Variants in BCORL1 observed in about 807,000 individuals in gnomAD.
BCORL1 encodes the protein BCL-6 corepressor-like protein 1.
Under a neutral mutation model 87.6 loss-of-function variants are expected in BCORL1, and 7 were observed. The observed-to-expected ratio is 0.08, with a 90% confidence interval of 0.05 to 0.15. The LOEUF is 0.15. Among genes scored for constraint, BCORL1 ranks in the 10% least tolerant of loss-of-function variants. The pLI, the probability that BCORL1 is intolerant of heterozygous loss-of-function variation, is 1.00. For missense variants in BCORL1, 1,215 were observed against 1,499.7 expected, an observed-to-expected ratio of 0.81 and a Z score of 3.13; for synonymous variants, 591 against 634.4, an observed-to-expected ratio of 0.93 and a Z score of 1.03.
Position 130,025,165 on chromosome X carries a change from G to T in BCORL1, c.3864G>T (p.Leu1288=). The T allele has an allele frequency of 8.2e-7, 1 of 1,212,166 alleles. No homozygotes were observed. Residue 1288 remains leucine, a synonymous_variant, in exon 7 of 14, where the codon CTG becomes CTT. Transcript: ENST00000540052. ...ACCATGCCCAGGACAAGTCTCTGCT[G>T]AGCCAGGGCCGAAGGCACCTGTGGC... The part of the protein sequence containing the change: ...RSHHAQDKSL[L]SQGRRHLWRA...
intron 8 of BCORL1, among the ~76,000 whole-genome samples, chrX:130,032,221 C>G (rs911110655): frequency 1.8e-5 from 2 of 111,939 alleles, no homozygotes; most frequent in African/African-American, 6.5e-5. Flanking sequence ...GGCTTGGGGT[C>G]TCTCGTGAGG....
intron 7 of BCORL1, among the ~76,000 whole-genome samples, chrX:130,027,629 G>A (rs1603137676): frequency 1.8e-5 from 2 of 112,687 alleles, no homozygotes; most frequent in East Asian, 2.8e-4. Context: ...CACCTCAAGA[G>A]CTTGTGCTTA....
intron 3 of BCORL1, 138 bp from the exon 4 acceptor site, chrX:130,012,812 G>T (rs903413207): frequency 9.8e-7 from 1 of 1,021,840 alleles, no homozygotes; most frequent in African/African-American, 1.9e-5. Context: ...GACACAAATT[G>T]GCTGGCTGCC....
intron 11 of BCORL1, among the ~76,000 whole-genome samples, chrX:130,046,572 A>C (rs764888377): frequency 1.4e-3 from 149 of 106,574 alleles, no homozygotes; most frequent in Non-Finnish European, 2.2e-3. Context: ...TTTGAGACGG[A>C]GTCTCGCTCT....
chrX:130,020,691 G>C (rs763338695), intron 4 of BCORL1, among the ~76,000 whole-genome samples: 22 of 111,954 alleles, frequency 2.0e-4, no homozygotes, highest in Non-Finnish European at 3.9e-4. Context: ...GCCTGACTTT[G>C]CACCTTTTAA....
chrX:130,041,996 G>T (rs1931363290), intron 11 of BCORL1, among the ~76,000 whole-genome samples: 2 of 111,765 alleles, frequency 1.8e-5, no homozygotes, highest in Non-Finnish European at 1.9e-5. Context: ...ACGTATATGT[G>T]TTTATATATA....
intron 7 of BCORL1, among the ~76,000 whole-genome samples, chrX:130,028,195 C>A (rs1930360778): frequency 9.0e-6 from 1 of 111,575 alleles, no homozygotes; most frequent in Non-Finnish European, 1.9e-5. Flanking sequence ...AGCCTTCTAC[C>A]TTTTCCTCCC....
At chrX:129,989,937 C>T (rs1217870569) in intron 1 of BCORL1, among the ~76,000 whole-genome samples, 2 of 110,174 alleles carry the variant, frequency 1.8e-5, no homozygotes, top group Non-Finnish European at 3.8e-5. Flanking sequence ...AAGCGCCCAG[C>T]ACCACGTCCA....
intron 1 of BCORL1, among the ~76,000 whole-genome samples, chrX:129,984,685 G>A (rs919415954): frequency 2.7e-5 from 3 of 111,045 alleles, no homozygotes; most frequent in Non-Finnish European, 5.7e-5. Flanking sequence ...ATGGAGGTGC[G>A]GGAGATTGTT....
chrX:130,034,333 C>A, intron 8 of BCORL1, 122 bp from the exon 9 acceptor site: 1 of 486,490 alleles, frequency 2.1e-6, no homozygotes. Context: ...GTAGTGTAAG[C>A]AAAGTACAGC....
intron 11 of BCORL1, among the ~76,000 whole-genome samples, chrX:130,040,205 T>C (rs1484803224): frequency 8.9e-6 from 1 of 112,041 alleles, no homozygotes; most frequent in African/African-American, 3.3e-5. Context: ...CCAACAGGAC[T>C]AAGGATTGGC....
rs1131691335 is a variant in BCORL1 at position 130,013,377 on chromosome X, C to G, written c.605C>G (p.Pro202Arg). The G allele has an allele frequency of 3.3e-6, 4 of 1,211,306 alleles. No individual in the cohort carries two copies. Among genetic ancestry groups the G allele is most frequent in the Non-Finnish European group, 4.5e-6 (4 of 895,137 alleles). Residue 202 changes from proline (P) to arginine (R), a missense_variant, in exon 4 of 14, where the codon CCT becomes CGT. This residue lies in a region of BCORL1 where 861 missense variants were observed against 1,010.0 expected (regional missense o/e 0.85). Transcript: ENST00000540052. Reference sequence around the variant, plus strand: ...ACTAACTTCAGTCCTCTGCCAGCCCCTATCTGTCCCCCTGCTCCCGGTTCG... The same window carrying G: ...ACTAACTTCAGTCCTCTGCCAGCCCGTATCTGTCCCCCTGCTCCCGGTTCG... ...VTTNFSPLPA[P>R]ICPPAPGSAS...
chrX:129,985,714 A>G (rs970764185), intron 1 of BCORL1, among the ~76,000 whole-genome samples: 2 of 111,512 alleles, frequency 1.8e-5, no homozygotes, highest in African/African-American at 6.5e-5. Context: ...ATCTTTTGAC[A>G]GGGCAACTTA....
At chrX:130,005,419 G>A in intron 2 of BCORL1, 102 bp downstream of exon 2, 1 of 755,519 alleles carries the variant, frequency 1.3e-6, no homozygotes, top group South Asian at 2.5e-5. Flanking sequence ...GGACCCTGGG[G>A]AGGAGAAGAC....
At position 130,012,607 on chromosome X, in the gene BCORL1, C is replaced by T. The variant is rs199910278; in HGVS notation, c.116C>T (p.Thr39Met). 20 of 1,209,741 alleles carry T rather than the reference C, an allele frequency of 1.7e-5. No individual in the cohort carries two copies. The highest frequency in any genetic ancestry group is 1.8e-5 in the South Asian group (1 of 56,813). Residue 39 changes from threonine (T) to methionine (M), a missense_variant, in exon 3 of 14, where the codon ACG becomes ATG. Physicochemically the swap from Thr to Met is moderately conservative, Grantham distance 81 (BLOSUM62 -1). This residue lies in a region of BCORL1 where 861 missense variants were observed against 1,010.0 expected (regional missense o/e 0.85). Transcript: ENST00000540052. ...GCACCTCTTTCTGATGAGGAGTCAA[C>T]GACAGGCGACTGCCAGCACTTTGGA... ...RRAPLSDEESTTGDCQHFGSQ... is the reference protein window; with the variant it reads ...RRAPLSDEESMTGDCQHFGSQ...
chrX:130,000,944 T>C (rs1235366156), intron 1 of BCORL1, among the ~76,000 whole-genome samples: 3 of 108,641 alleles, frequency 2.8e-5, no homozygotes, highest in Non-Finnish European at 5.7e-5. Context: ...GGGTGGCTGT[T>C]GATTTTGCTT....
upstream of BCORL1, among the ~76,000 whole-genome samples, chrX:129,980,374 G>A (rs1321094231): frequency 8.8e-6 from 1 of 113,190 alleles, no homozygotes; most frequent in Non-Finnish European, 1.9e-5. Flanking sequence ...GACAGCGGCC[G>A]GGGGCTCTGC....
At chrX:129,983,722 C>A (rs1216856350) in intron 1 of BCORL1, among the ~76,000 whole-genome samples, 1 of 88,124 alleles carries the variant, frequency 1.1e-5, no homozygotes, top group Non-Finnish European at 2.2e-5. Context: ...CCGGGCCGGG[C>A]GCGGCGGGGA....
At chrX:130,031,336 G>A (rs1025848308) in intron 8 of BCORL1, among the ~76,000 whole-genome samples, 1 of 112,194 alleles carries the variant, frequency 8.9e-6, no homozygotes, top group African/African-American at 3.2e-5. Context: ...ATGGCTTCTC[G>A]CTGTCTTGGG....
Sources: gnomAD v4.1 joint callset for allele counts (sites outside exome capture counted in the v4.1 genomes callset) on GRCh38, gnomAD v4.1.1 for gene constraint, gnomAD v4.1.1 regional missense constraint, MANE v1.5 for transcripts, NCBI Gene and HGNC (gene_info 2026-07-23, HGNC 2026-07-21) for gene names.